The following PTPN4 variants were observed in gnomAD, a reference collection of about 807,000 sequenced individuals.
PTPN4 encodes protein tyrosine phosphatase non-receptor type 4.
A neutral mutation model predicts 135.5 loss-of-function variants in PTPN4; 49 were observed. That is an observed-to-expected ratio of 0.36 (90% confidence interval 0.29 to 0.46). PTPN4 has a LOEUF of 0.46. Ranked by LOEUF, PTPN4 falls within the 20% of genes least tolerant of loss-of-function variation. The pLI is 1.00. For synonymous variants in PTPN4, 333 were observed against 369.9 expected (o/e 0.90, Z 1.14); for missense variants, 860 against 1,101.0 (o/e 0.78, Z 3.10).
Position 119,760,181 on chromosome 2 carries a change from C to A in PTPN4, c.-221C>A. On this transcript the variant is annotated 5_prime_UTR_variant, in exon 1 of 27. Coordinates refer to ENST00000263708, the MANE Select transcript of PTPN4 (RefSeq NM_002830.4). ...GGCTGCCCGCCTCCCTGCCACCTCC[C>A]CAGCGGCGCCGGCCCGCGGCTGCCC... The A allele has an allele frequency of 2.5e-6, 1 of 394,322 alleles. No individual in the cohort carries two copies. The highest frequency in any genetic ancestry group is 1.3e-4 in the South Asian group (1 of 7,504). The allele number at this position is 394,322 out of a possible 1,614,324, so 24.4% of individuals were successfully genotyped here.
chr2:119,807,775 AAG>A (rs1401946219), intron 1 of PTPN4, among the ~76,000 whole-genome samples: 1 of 152,210 alleles, frequency 6.6e-6, no homozygotes, highest in Non-Finnish European at 1.5e-5. Flanking sequence ...ACAACAAAAA[AAG>A]AGAATTTTAG....
intron 1 of PTPN4, among the ~76,000 whole-genome samples, chr2:119,809,060 C>T (rs1031369348): frequency 1.3e-4 from 20 of 152,004 alleles, no homozygotes; most frequent in Non-Finnish European, 2.1e-4. Flanking sequence ...AAGTTTGAAT[C>T]CTTAAATGCC....
chr2:119,801,477 A>G (rs1230480265), intron 1 of PTPN4, among the ~76,000 whole-genome samples: 1 of 152,162 alleles, frequency 6.6e-6, no homozygotes, highest in Non-Finnish European at 1.5e-5. Context: ...TTAAACCTGT[A>G]TGCCTATTTG....
chr2:119,802,885 A>G (rs1010905817), intron 1 of PTPN4, among the ~76,000 whole-genome samples: 1 of 152,136 alleles, frequency 6.6e-6, no homozygotes, highest in African/African-American at 2.4e-5. Context: ...TTTGATTTTT[A>G]AAATAGTTAT....
At chr2:119,787,516 C>G (rs1036724665) in intron 1 of PTPN4, among the ~76,000 whole-genome samples, 7 of 152,116 alleles carry the variant, frequency 4.6e-5, no homozygotes, top group Non-Finnish European at 8.8e-5. Context: ...TCAAAGATTC[C>G]AAACTGGTTT....
At chr2:119,777,866 G>GGC (rs1196947189) in intron 1 of PTPN4, among the ~76,000 whole-genome samples, 2 of 152,008 alleles carry the variant, frequency 1.3e-5, no homozygotes, top group African/African-American at 4.8e-5. Context: ...ATATTGCCCA[G>GGC]GCTGATCTTG....
At chr2:119,965,973 C>G (rs561447984) in intron 25 of PTPN4, among the ~76,000 whole-genome samples, 1 of 152,102 alleles carries the variant, frequency 6.6e-6, no homozygotes, top group African/African-American at 2.4e-5. Context: ...TGCTATGTAA[C>G]AAAATATTCG....
chr2:119,819,173 G>GTATA (rs1392107426), intron 2 of PTPN4, among the ~76,000 whole-genome samples: 1 of 152,128 alleles, frequency 6.6e-6, no homozygotes, highest in Non-Finnish European at 1.5e-5. Context: ...TTTCTCCACA[G>GTATA]TATGGTTTGG....
chr2:119,928,250 A>G, intron 13 of PTPN4, among the ~76,000 whole-genome samples: 1 of 152,094 alleles, frequency 6.6e-6, no homozygotes, highest in East Asian at 1.9e-4. Context: ...TAAACTGTAA[A>G]CTTAACTTTT....
chr2:119,977,285 C>G lies in PTPN4; in HGVS notation c.*215C>G, dbSNP rs1679632133. On this transcript the variant is annotated 3_prime_UTR_variant, in exon 27 of 27. Transcript: ENST00000263708. The stretch of plus-strand genomic sequence containing the variant: ...TATTTGAAGACTGTTTCATGCTTTG[C>G]TCCGAACAAATAGTAAATAACTGAG... 1 of 749,448 alleles carries G rather than the reference C, an allele frequency of 1.3e-6. No individual in the cohort carries two copies. Among genetic ancestry groups the G allele is most frequent in the African/African-American group, 1.9e-5 (1 of 53,856 alleles). The allele number at this position is 749,448 out of a possible 1,614,324, so 46.4% of individuals were successfully genotyped here.
intron 10 of PTPN4, among the ~76,000 whole-genome samples, chr2:119,903,697 C>T (rs759069546): frequency 5.3e-5 from 8 of 152,136 alleles, no homozygotes; most frequent in Admixed American, 2.0e-4. Context: ...TTGTCCCCCA[C>T]ATGCATAGCT....
chr2:119,962,766 T>C, intron 24 of PTPN4, 22 bp downstream of exon 24: 1 of 1,527,896 alleles, frequency 6.5e-7, no homozygotes, highest in East Asian at 2.3e-5. Context: ...GGATATCTGT[T>C]CATTAGAACT....
At chr2:119,781,197 T>C (rs1050438159) in intron 1 of PTPN4, among the ~76,000 whole-genome samples, 4 of 152,222 alleles carry the variant, frequency 2.6e-5, no homozygotes, top group African/African-American at 4.8e-5. Context: ...GTATTTTCCT[T>C]GCCCCAGCTC....
At chr2:119,894,654 T>C (rs990981653) in intron 9 of PTPN4, among the ~76,000 whole-genome samples, 14 of 152,160 alleles carry the variant, frequency 9.2e-5, no homozygotes, top group African/African-American at 3.1e-4. Flanking sequence ...TGCTACAGGA[T>C]AAAAGAAAAT....
intron 24 of PTPN4, among the ~76,000 whole-genome samples, chr2:119,964,599 T>G (rs1679420568): frequency 6.6e-6 from 1 of 152,230 alleles, no homozygotes; most frequent in South Asian, 2.1e-4. Flanking sequence ...TTTAAGCATT[T>G]CTCTGGGTCT....
chr2:119,918,760 T>C (rs1457197829), intron 11 of PTPN4, among the ~76,000 whole-genome samples: 1 of 152,208 alleles, frequency 6.6e-6, no homozygotes, highest in Non-Finnish European at 1.5e-5. Context: ...AATGTGCATA[T>C]GTGTACACCA....
intron 2 of PTPN4, among the ~76,000 whole-genome samples, chr2:119,847,097 G>T (rs912168570): frequency 6.7e-6 from 1 of 149,174 alleles, no homozygotes; most frequent in Non-Finnish European, 1.5e-5. Context: ...ATAGATTCAC[G>T]TTACCATCTG....
intron 2 of PTPN4, among the ~76,000 whole-genome samples, chr2:119,839,804 A>G (rs1189707531): frequency 6.6e-6 from 1 of 152,216 alleles, no homozygotes; most frequent in East Asian, 1.9e-4. Context: ...TTGCTAAGCC[A>G]TCTAGTTAAT....
At chr2:119,934,697 C>T (rs186793142) in intron 14 of PTPN4, 103 bp from the exon 15 acceptor site, 1 of 1,202,320 alleles carries the variant, frequency 8.3e-7, no homozygotes, top group South Asian at 1.4e-5. Flanking sequence ...CATGGCTTGA[C>T]TTAAAAACAC....
Sources: allele counts gnomAD v4.1 joint callset (sites outside exome capture counted in the v4.1 genomes callset), GRCh38; gene constraint gnomAD v4.1.1; transcripts MANE v1.5; gene names NCBI Gene and HGNC (gene_info 2026-07-23, HGNC 2026-07-21).